Variants in PARG observed in about 807,000 individuals in gnomAD.
The protein encoded by PARG is mitochondrial poly(ADP-ribose) glycohydrolase.
Under a neutral mutation model 113.0 loss-of-function variants are expected in PARG, and 35 were observed. The observed-to-expected ratio is 0.31, with a 90% CI of 0.24 to 0.41. The LOEUF is 0.41. Ranked by LOEUF, PARG falls within the 10% of genes least tolerant of loss-of-function variation. The probability of loss-of-function intolerance (pLI) is 1.00; values close to 1 mark genes in which losing one functional copy is unlikely to be tolerated. For missense variants in PARG, 797 were observed against 1,169.4 expected (o/e 0.68, Z 4.64); for synonymous variants, 330 against 409.9 (o/e 0.81, Z 2.36).
chr10:49,850,182 A>G (rs1845695707), intron 13 of PARG, among the ~76,000 whole-genome samples: 1 of 139,908 alleles, frequency 7.1e-6, no homozygotes, highest in African/African-American at 2.7e-5. Flanking sequence ...AAGGCACTAC[A>G]TAACTGACGC....
chr10:49,921,265 T>TTA, intron 6 of PARG, among the ~76,000 whole-genome samples: 1 of 152,226 alleles, frequency 6.6e-6, no homozygotes, highest in African/African-American at 2.4e-5. Flanking sequence ...CAGGTGCTCC[T>TTA]CCCACCTAAT....
intron 7 of PARG, among the ~76,000 whole-genome samples, chr10:49,900,573 G>T (rs1554843620): frequency 6.6e-6 from 1 of 152,176 alleles, no homozygotes; most frequent in Non-Finnish European, 1.5e-5. Flanking sequence ...AATATTTATT[G>T]CACAATCATA....
chr10:49,907,156 T>C (rs1383402362), intron 7 of PARG, among the ~76,000 whole-genome samples: 486 of 151,876 alleles, frequency 3.2e-3, no homozygotes, highest in East Asian at 0.013. Flanking sequence ...ATGGCCCTTG[T>C]GGCAGAAAAT....
chr10:49,869,674 C>G, intron 9 of PARG, 119 bp from the exon 10 acceptor site: 1 of 595,756 alleles, frequency 1.7e-6, no homozygotes, highest in South Asian at 2.0e-5. Context: ...GAAGACAATT[C>G]TGTAATGATA....
chr10:49,895,728 C>A (rs1564639399), intron 7 of PARG, among the ~76,000 whole-genome samples: 1 of 152,066 alleles, frequency 6.6e-6, no homozygotes, highest in Non-Finnish European at 1.5e-5. Context: ...CTTAACCACA[C>A]TGAGTCATCC....
intron 15 of PARG, among the ~76,000 whole-genome samples, chr10:49,835,154 G>A (rs1844853794): frequency 6.6e-6 from 1 of 152,086 alleles, no homozygotes; most frequent in African/African-American, 2.4e-5. Context: ...GATGAGATAA[G>A]GATAGAGACC....
chr10:49,834,219 T>C (rs1554830759), intron 15 of PARG, among the ~76,000 whole-genome samples: 1 of 152,188 alleles, frequency 6.6e-6, no homozygotes, highest in East Asian at 1.9e-4. Context: ...AAAGATAGTC[T>C]GTGTCATTAA....
intron 7 of PARG, among the ~76,000 whole-genome samples, chr10:49,887,580 A>T (rs189320111): frequency 2.0e-5 from 3 of 152,288 alleles, no homozygotes; most frequent in Admixed American, 2.0e-4. Flanking sequence ...TACATGGCTT[A>T]ATGCCCTTAA....
intron 15 of PARG, among the ~76,000 whole-genome samples, chr10:49,840,020 G>C (rs999644602): frequency 2.0e-5 from 3 of 152,146 alleles, no homozygotes; most frequent in African/African-American, 7.2e-5. Context: ...TGGTACTGGG[G>C]ACAATTGCTT....
At chr10:49,891,467 T>TA (rs1366972801) in intron 7 of PARG, among the ~76,000 whole-genome samples, 7 of 150,174 alleles carry the variant, frequency 4.7e-5, no homozygotes. Flanking sequence ...TCCTCTTTAA[T>TA]AAAAAAAATC....
intron 15 of PARG, among the ~76,000 whole-genome samples, chr10:49,838,361 G>A (rs1474909364): frequency 6.7e-6 from 1 of 149,684 alleles, no homozygotes. Context: ...AACCCGGGAG[G>A]TGGAGGTTGC....
chr10:49,822,571 T>C (rs955162063), intron 16 of PARG, among the ~76,000 whole-genome samples: 12 of 152,200 alleles, frequency 7.9e-5, no homozygotes, highest in Non-Finnish European at 1.6e-4. Context: ...GGTGTTAGAA[T>C]AGGAACATCC....
At chr10:49,836,056 T>C (rs1282343430) in intron 15 of PARG, among the ~76,000 whole-genome samples, 2 of 152,152 alleles carry the variant, frequency 1.3e-5, no homozygotes, top group Non-Finnish European at 2.9e-5. Flanking sequence ...TTAGGTTGTG[T>C]AAAGTGACAT....
chr10:49,888,091 A>G (rs1231325393), intron 7 of PARG, among the ~76,000 whole-genome samples: 1 of 152,126 alleles, frequency 6.6e-6, no homozygotes, highest in East Asian at 1.9e-4. Flanking sequence ...TAACTTACCA[A>G]CATTTACTGG....
chr10:49,838,951 A>G (rs1182627787), intron 15 of PARG, among the ~76,000 whole-genome samples: 1 of 152,226 alleles, frequency 6.6e-6, no homozygotes, highest in African/African-American at 2.4e-5. Flanking sequence ...TAGGAAATAT[A>G]TAACATTTTG....
At chr10:49,900,985 T>A (rs1177320382) in intron 7 of PARG, among the ~76,000 whole-genome samples, 1 of 152,144 alleles carries the variant, frequency 6.6e-6, no homozygotes, top group African/African-American at 2.4e-5. Flanking sequence ...AGAAGTAAAA[T>A]GGATGTAATT....
rs541305781 is a variant in PARG, at chr10:49,874,312, C to CA, written c.1989-4758dup. On this transcript the variant is annotated intron_variant, in intron 9 of 17. Coordinates refer to ENST00000616448, the MANE Select transcript of PARG (RefSeq NM_003631.5). ...AATAAGGCATTACATAATGCCCAGG[C>CA]AAAAAAAATCAACATTCATTTACAT... 7.4e-4 allele frequency among the ~76,000 whole-genome samples: 112 copies of CA among 151,742 alleles called. 1 individual carries two copies. The East Asian group carries it at 0.018, about 24-fold the overall frequency.
chr10:49,823,141 C>A (rs1554828960), intron 16 of PARG, among the ~76,000 whole-genome samples: 4 of 151,826 alleles, frequency 2.6e-5, no homozygotes, highest in African/African-American at 9.7e-5. Flanking sequence ...ATATTTTATT[C>A]TTAAATACAA....
intron 16 of PARG, among the ~76,000 whole-genome samples, chr10:49,827,792 T>C (rs1588864338): frequency 2.6e-5 from 2 of 76,962 alleles, no homozygotes; most frequent in African/African-American, 9.7e-5. Flanking sequence ...GTAAGTCTTA[T>C]TTATACCTTT....
Sources: allele counts gnomAD v4.1 joint callset (sites outside exome capture counted in the v4.1 genomes callset), GRCh38; gene constraint gnomAD v4.1.1; transcripts MANE v1.5; gene names NCBI Gene and HGNC (gene_info 2026-07-23, HGNC 2026-07-21).